ZNF592: variants seen among roughly 807,000 people sequenced by gnomAD.
ZNF592 encodes the protein spinocerebellar ataxia, autosomal recessive 5.
In ZNF592, 11 loss-of-function variants were observed where a neutral mutation model predicts 80.3. That is an observed-to-expected ratio of 0.14 (90% CI 0.09 to 0.23). The LOEUF (loss-of-function observed/expected upper bound fraction) is 0.23. Ranked by LOEUF, ZNF592 falls within the 10% of genes least tolerant of loss-of-function variation. The pLI is 1.00. For synonymous variants in ZNF592, 646 were observed against 640.3 expected (o/e 1.01, Z -0.13); for missense variants, 1,420 against 1,633.9 (o/e 0.87, Z 2.26).
intron 5 of ZNF592, among the ~76,000 whole-genome samples, chr15:84,797,241 G>A (rs1395917067): frequency 2.0e-5 from 3 of 152,208 alleles, no homozygotes; most frequent in South Asian, 4.1e-4. Context: ...GATTACAGGC[G>A]TGACCTATCG....
intron 5 of ZNF592, among the ~76,000 whole-genome samples, chr15:84,793,098 A>G (rs1326531395): frequency 6.6e-6 from 1 of 151,678 alleles, no homozygotes; most frequent in Non-Finnish European, 1.5e-5. Context: ...TTTTTTAAAG[A>G]TGGAGTCTCG....
At chr15:84,772,729 C>G (rs1343231964) in intron 2 of ZNF592, among the ~76,000 whole-genome samples, 1 of 152,156 alleles carries the variant, frequency 6.6e-6, no homozygotes, top group Non-Finnish European at 1.5e-5. Flanking sequence ...ATGGCAAATT[C>G]AAGAAAACTT....
At chr15:84,754,883 A>G (rs1899121256) in intron 1 of ZNF592, among the ~76,000 whole-genome samples, 1 of 150,732 alleles carries the variant, frequency 6.6e-6, no homozygotes, top group African/African-American at 2.4e-5. Context: ...TCCAATCAGT[A>G]TGTGTGGTGG....
At position 84,798,923 on chromosome 15, in the gene ZNF592, T is replaced by G. The variant is rs777799276; in HGVS notation, c.3024+48T>G. 6.3e-7 allele frequency: 1 copy of G among 1,597,478 alleles called. No individual in the cohort carries two copies. The highest frequency in any genetic ancestry group is 8.5e-7 in the Non-Finnish European group (1 of 1,177,194). On this transcript the variant is annotated intron_variant, in intron 8 of 10. Coordinates refer to ENST00000560079, the MANE Select transcript of ZNF592 (RefSeq NM_014630.3). The surrounding 1 kb of genome is among the most constrained non-coding windows in gnomAD (Gnocchi z 4.5). ...AATGCAGAGCCCAGTCCTCTGGACT[T>G]CCTTCTGTGAAGCCAGAACCCCTAG... is the stretch of plus-strand genomic sequence containing the variant.
At position 84,798,721 on chromosome 15, in the gene ZNF592, C is replaced by T. The variant is rs1191214178; in HGVS notation, c.2870C>T (p.Ser957Phe). 1 of 1,612,510 alleles carries T rather than the reference C, an allele frequency of 6.2e-7. No individual in the cohort carries two copies. Among genetic ancestry groups the T allele is most frequent in the Admixed American group, 1.7e-5 (1 of 60,034 alleles). The change falls in exon 8 of 11, where the codon TCC (serine) becomes TTC (phenylalanine). Residue 957 changes from serine (S) to phenylalanine (F), a missense_variant. Coordinates refer to ENST00000560079, the MANE Select transcript of ZNF592 (RefSeq NM_014630.3). The surrounding 1 kb of genome is among the most constrained non-coding windows in gnomAD (Gnocchi z 4.5). ...ACTAGTGTGGCTGCTCGGAGCAGCT[C>T]CCTGCCTTCTGGCCGCTGGGGTAGG... The part of the protein sequence containing the change: ...PATSVAARSS[S>F]LPSGRWGRPE...
chr15:84,800,094 A>G (rs1567078821), intron 10 of ZNF592, 117 bp downstream of exon 10: 21 of 1,483,168 alleles, frequency 1.4e-5, no homozygotes, highest in East Asian at 2.3e-5. Context: ...GCTTCCCTCA[A>G]TGTGGGTCAC....
chr15:84,775,689 C>T (rs1032861764), intron 2 of ZNF592, among the ~76,000 whole-genome samples: 10 of 152,184 alleles, frequency 6.6e-5, no homozygotes, highest in African/African-American at 1.2e-4. Flanking sequence ...CTCGGCCTCC[C>T]GAAGTGCTGG....
Position 84,805,614 on chromosome 15 carries a change from C to G in ZNF592, c.*3221C>G, listed in dbSNP as rs1479318621. The G allele has an allele frequency of 6.6e-6, 1 of 152,626 alleles. No homozygotes were observed. Among genetic ancestry groups the G allele is most frequent in the Non-Finnish European group, 1.5e-5 (1 of 68,032 alleles). The allele number at this position is 152,626 out of a possible 1,614,324, so 9.5% of individuals were successfully genotyped here. On this transcript the variant is annotated 3_prime_UTR_variant, in exon 11 of 11. Transcript: ENST00000560079. ...TTTCCCCTTAACTTATGTAAACAGT[C>G]TGGTTTTAAAAAATTTGATAATTGT... is the stretch of plus-strand genomic sequence containing the variant.
At chr15:84,755,693 G>C (rs1437591230) in intron 1 of ZNF592, among the ~76,000 whole-genome samples, 1 of 152,076 alleles carries the variant, frequency 6.6e-6, no homozygotes, top group Non-Finnish European at 1.5e-5. Flanking sequence ...AAACAAACAA[G>C]CATCCTATAA....
At chr15:84,790,957 G>A (rs1313974723) in intron 5 of ZNF592, 74 bp downstream of exon 5, 2 of 1,593,314 alleles carry the variant, frequency 1.3e-6, no homozygotes, top group South Asian at 1.1e-5. Flanking sequence ...ACTCATTTCA[G>A]ATAGTTTTGG....
intron 2 of ZNF592, among the ~76,000 whole-genome samples, chr15:84,774,882 G>A (rs757686423): frequency 6.6e-5 from 10 of 152,020 alleles, no homozygotes; most frequent in Non-Finnish European, 1.2e-4. Context: ...CCAGGTTCAA[G>A]CAATTCTCCT....
chr15:84,787,527 C>T (rs773175658), intron 4 of ZNF592, among the ~76,000 whole-genome samples: 1 of 152,188 alleles, frequency 6.6e-6, no homozygotes. Flanking sequence ...CACACCACAG[C>T]AGGGACTGTG....
chr15:84,775,138 T>TG (rs1212375897), intron 2 of ZNF592, among the ~76,000 whole-genome samples: 1 of 151,154 alleles, frequency 6.6e-6, no homozygotes, highest in Non-Finnish European at 1.5e-5. Context: ...CTCTGTCACC[T>TG]GGGCTGGAGT....
intron 2 of ZNF592, among the ~76,000 whole-genome samples, chr15:84,772,135 G>A (rs536552150): frequency 6.6e-6 from 1 of 152,098 alleles, no homozygotes; most frequent in East Asian, 1.9e-4. Flanking sequence ...CCCAATCTGG[G>A]GCTTTGTTCT....
chr15:84,749,073 C>T (rs1225092995), intron 1 of ZNF592, among the ~76,000 whole-genome samples: 1 of 152,228 alleles, frequency 6.6e-6, no homozygotes, highest in East Asian at 1.9e-4. Flanking sequence ...ACCGTCCCCG[C>T]CGCCCGAAGA....
At chr15:84,748,790 C>G (rs1026601000) in intron 1 of ZNF592, 126 bp downstream of exon 1, 1 of 147,218 alleles carries the variant, frequency 6.8e-6, no homozygotes, top group African/African-American at 2.4e-5. Context: ...TGCAGCCTGG[C>G]GGACCCTGGC....
chr15:84,784,222 C>T lies in ZNF592; in HGVS notation c.1547C>T (p.Ala516Val), dbSNP rs1365825026. The T allele has an allele frequency of 3.1e-6, 5 of 1,614,102 alleles. No homozygotes were observed. Among genetic ancestry groups the T allele is most frequent in the East Asian group, 2.2e-5 (1 of 44,900 alleles). The change falls in exon 4 of 11, where the codon GCT (alanine) becomes GTT (valine). Residue 516 changes from alanine to valine, a missense_variant. Transcript: ENST00000560079. The surrounding 1 kb of genome is among the most constrained non-coding windows in gnomAD (Gnocchi z 5.8). ...ANLNLVPHSV[A>V]ASVTAKSSVQ... is the part of the protein sequence containing the mutation. ...CTGAACCTCGTCCCCCACAGTGTTG[C>T]TGCATCAGTGACAGCCAAGTCTTCA...
rs199683430 is a variant in ZNF592, at chr15:84,784,649, G to T, written c.1974G>T (p.Ala658=). ...CSQLLVKPIS[A]DQMFVSAPVN... ...AGCTGCTGGTGAAGCCTATCTCTGC[G>T]GACCAAATGTTCGTGTCGGCCCCTG... Residue 658 remains alanine (A), a synonymous_variant, in exon 4 of 11, where the codon GCG becomes GCT. Coordinates refer to ENST00000560079, the MANE Select transcript of ZNF592 (RefSeq NM_014630.3). The surrounding 1 kb of genome is among the most constrained non-coding windows in gnomAD (Gnocchi z 5.8). 3 of 1,614,036 alleles carry T rather than the reference G, an allele frequency of 1.9e-6. No individual in the cohort carries two copies. In the African/African-American group the frequency reaches 4.0e-5, roughly 22 times the overall value.
intron 4 of ZNF592, among the ~76,000 whole-genome samples, chr15:84,786,366 A>G (rs1596126283): frequency 1.3e-5 from 2 of 152,182 alleles, no homozygotes; most frequent in East Asian, 3.8e-4. Context: ...TGTGGAGGTG[A>G]AATTTAAGTT....
Sources: allele counts gnomAD v4.1 joint callset (sites outside exome capture counted in the v4.1 genomes callset), GRCh38; gene constraint gnomAD v4.1.1; non-coding constraint Gnocchi (gnomAD v3.1); transcripts MANE v1.5; gene names NCBI Gene and HGNC (gene_info 2026-07-23, HGNC 2026-07-21).